Variants in MRPL45 observed in about 807,000 individuals in gnomAD.
MRPL45 encodes the protein mitochondrial ribosomal protein L45, also known as large ribosomal subunit protein mL45.
A neutral mutation model predicts 38.1 loss-of-function variants in MRPL45; 20 were observed. That is an observed-to-expected ratio of 0.53 (90% CI 0.37 to 0.76). The LOEUF is 0.76. Ranked by LOEUF, MRPL45 falls within the 30% of genes least tolerant of loss-of-function variation. The pLI is 0.00. For synonymous variants in MRPL45, 105 were observed against 128.8 expected, an observed-to-expected ratio of 0.82 and a Z score of 1.25; for missense variants, 337 against 395.6, an observed-to-expected ratio of 0.85 and a Z score of 1.26.
chr17:38,312,252 G>T (rs2037120049), intron 4 of MRPL45, among the ~76,000 whole-genome samples: 1 of 151,942 alleles, frequency 6.6e-6, no homozygotes, highest in Non-Finnish European at 1.5e-5. Context: ...CACCATGTTG[G>T]CCAGGCTGGT....
chr17:38,299,770 C>T (rs985554812), intron 3 of MRPL45, among the ~76,000 whole-genome samples: 2 of 150,812 alleles, frequency 1.3e-5, no homozygotes, highest in African/African-American at 4.9e-5. Flanking sequence ...GAGTTTCGCT[C>T]TTGTTGCCCA....
chr17:38,298,601 C>T lies in MRPL45; in HGVS notation c.219C>T (p.Asp73=). The change falls in exon 2 of 8, where the codon GAC becomes GAT. Residue 73 remains aspartate, a synonymous_variant. Coordinates refer to ENST00000613675, the MANE Select transcript of MRPL45 (RefSeq NM_032351.6). ...TGGTTATTCCTCCAGAAAAATCGGA[C>T]CGTTCCATACATCTGGCCTGTACAG... ...AGLVIPPEKS[D]RSIHLACTAG... 6.2e-7 allele frequency: 1 copy of T among 1,612,658 alleles called. No individual in the cohort carries two copies.
intron 3 of MRPL45, among the ~76,000 whole-genome samples, chr17:38,300,003 G>C (rs1254457427): frequency 6.6e-6 from 1 of 151,944 alleles, no homozygotes; most frequent in East Asian, 1.9e-4. Flanking sequence ...GCCTCCCAAA[G>C]TGCTGGGATT....
chr17:38,318,617 A>G, intron 4 of MRPL45, 70 bp from the exon 5 acceptor site: 1 of 1,128,202 alleles, frequency 8.9e-7, no homozygotes, highest in Non-Finnish European at 1.3e-6. Flanking sequence ...CATTTTCAGG[A>G]CCATTTTCAG....
intron 6 of MRPL45, 24 bp downstream of exon 6, chr17:38,320,791 T>C (rs770749609): frequency 6.2e-7 from 1 of 1,612,240 alleles, no homozygotes; most frequent in Admixed American, 1.7e-5. Flanking sequence ...TCTGCCTTCC[T>C]CCCAGCTTTT....
chr17:38,314,562 C>G (rs1167017961), intron 4 of MRPL45, among the ~76,000 whole-genome samples: 1 of 151,938 alleles, frequency 6.6e-6, no homozygotes, highest in African/African-American at 2.4e-5. Flanking sequence ...AAGTATTTCC[C>G]CTTCCTTTTT....
chr17:38,305,136 C>A (rs1049635223), intron 3 of MRPL45, among the ~76,000 whole-genome samples: 3 of 149,328 alleles, frequency 2.0e-5, no homozygotes, highest in African/African-American at 7.3e-5. Context: ...TGAGCCACTG[C>A]ACCCGGCCTG....
chr17:38,300,917 G>A (rs2036988748), intron 3 of MRPL45, among the ~76,000 whole-genome samples: 1 of 152,152 alleles, frequency 6.6e-6, no homozygotes, highest in Admixed American at 6.5e-5. Context: ...TTGCACTCCA[G>A]CCTGGGCAAC....
At chr17:38,305,415 C>T (rs1303224836) in intron 3 of MRPL45, among the ~76,000 whole-genome samples, 4 of 143,960 alleles carry the variant, frequency 2.8e-5, no homozygotes, top group Admixed American at 1.4e-4. Context: ...TGCAGTGAGC[C>T]GAGATTGCGC....
chr17:38,312,507 G>A (rs2037122668), intron 4 of MRPL45, among the ~76,000 whole-genome samples: 2 of 151,940 alleles, frequency 1.3e-5, no homozygotes, highest in Admixed American at 1.3e-4. Flanking sequence ...GTTTGAGCTC[G>A]TGCTTTCAAT....
At chr17:38,322,347 C>G (rs1312622241) in intron 7 of MRPL45, 48 bp downstream of exon 7, 2 of 1,594,994 alleles carry the variant, frequency 1.3e-6, no homozygotes, top group Admixed American at 3.4e-5. Flanking sequence ...TACTCGTGGT[C>G]TCCTAAGCCA....
At chr17:38,308,519 C>T (rs1178250344) in intron 4 of MRPL45, among the ~76,000 whole-genome samples, 1 of 151,952 alleles carries the variant, frequency 6.6e-6, no homozygotes, top group Non-Finnish European at 1.5e-5. Context: ...TGGCTCACTG[C>T]AACCTCTGCC....
intron 4 of MRPL45, among the ~76,000 whole-genome samples, chr17:38,318,247 G>C (rs185647021): frequency 1.1e-3 from 161 of 146,968 alleles, no homozygotes; most frequent in South Asian, 1.8e-3. Context: ...GGCCAAGCCA[G>C]ATGGTACTGA....
In MRPL45 at chr17:38,322,230, C is replaced by G; in HGVS notation, c.765C>G (p.Pro255=). 2 of 1,614,076 alleles carry G rather than the reference C, an allele frequency of 1.2e-6. No homozygotes were observed. The highest frequency in any genetic ancestry group is 1.3e-5 in the African/African-American group (1 of 74,994). ...YVVFEKQLTN[P]YGSWRMHTKI... is the part of the protein sequence containing the mutation. ...TATTCGAAAAGCAGTTGACAAACCC[C>G]TATGGAAGCTGGAGAATGCATACCA... The change falls in exon 7 of 8, where the codon CCC becomes CCG. Residue 255 remains proline (P), a synonymous_variant. Transcript: ENST00000613675.
Position 38,306,411 on chromosome 17 carries a change from A to C in MRPL45, c.363-122A>C, listed in dbSNP as rs1255319848. ...GTGACAGAGCGAGACTCAAAAAAAGAAAAAAAAAAAAAAGCTAAACAGTTA... is the reference window on the plus strand; with the variant it reads ...GTGACAGAGCGAGACTCAAAAAAAGCAAAAAAAAAAAAAGCTAAACAGTTA... On this transcript the variant is annotated intron_variant, in intron 3 of 7. Transcript: ENST00000613675. The C allele has an allele frequency of 2.1e-5, 15 of 726,644 alleles. No individual in the cohort carries two copies. The African/African-American group carries it at 7.8e-4, about 38-fold the overall frequency. The allele number at this position is 726,644 out of a possible 1,614,324, so 45.0% of individuals were successfully genotyped here. A position where few individuals can be genotyped will look rare whatever the true frequency, so the allele number is the denominator to read the frequency against.
intron 5 of MRPL45, among the ~76,000 whole-genome samples, chr17:38,318,948 C>T (rs1335227640): frequency 6.6e-6 from 1 of 151,338 alleles, no homozygotes; most frequent in East Asian, 1.9e-4. Context: ...CTGCCTCATC[C>T]TCCCAAGTAG....
intron 4 of MRPL45, among the ~76,000 whole-genome samples, chr17:38,306,859 C>A (rs573892696): frequency 1.3e-5 from 2 of 152,258 alleles, no homozygotes; most frequent in African/African-American, 4.8e-5. Flanking sequence ...TGTCTCAGTT[C>A]CACCTGCAAG....
intron 5 of MRPL45, among the ~76,000 whole-genome samples, chr17:38,319,971 C>G (rs371988897): frequency 1.3e-4 from 20 of 152,226 alleles, no homozygotes; most frequent in African/African-American, 4.8e-4. Context: ...GGCGTGGTGG[C>G]GGGCGCCAGT....
At chr17:38,318,904 C>T (rs1296337829) in intron 5 of MRPL45, among the ~76,000 whole-genome samples, 169 bp downstream of exon 5, 47 of 150,464 alleles carry the variant, frequency 3.1e-4, no homozygotes, top group African/African-American at 1.1e-3. Context: ...CTTGGCTCAC[C>T]GCAACCTCCA....
Sources: gnomAD v4.1 joint callset for allele counts (sites outside exome capture counted in the v4.1 genomes callset) on GRCh38, gnomAD v4.1.1 for gene constraint, MANE v1.5 for transcripts, NCBI Gene and HGNC (gene_info 2026-07-23, HGNC 2026-07-21) for gene names.